SLC35F1: variants seen among roughly 807,000 people sequenced by gnomAD.
SLC35F1 encodes the protein solute carrier family 35 member F1, also known as chromosome 6 open reading frame 169.
Under a neutral mutation model 48.7 loss-of-function variants are expected in SLC35F1, and 14 were observed. The observed-to-expected ratio is 0.29, with a 90% CI of 0.19 to 0.45. The LOEUF (loss-of-function observed/expected upper bound fraction) is 0.45, where lower values mean the gene tolerates loss of function less well. Among genes scored for constraint, SLC35F1 ranks in the 20% least tolerant of loss-of-function variants. The pLI is 1.00. For synonymous variants in SLC35F1, 190 were observed against 202.2 expected (o/e 0.94, Z 0.51); for missense variants, 404 against 500.0 (o/e 0.81, Z 1.83).
chr6:118,207,520 T>C lies in SLC35F1; in HGVS notation c.350-27989T>C, dbSNP rs190288037. On this transcript the variant is annotated intron_variant, in intron 2 of 7. Transcript: ENST00000360388. ...CTCTATACACATGTGAAATAGACTGTTGTACTCAAAGGCAACCTAGAACAA... is the reference window on the plus strand; with the variant it reads ...CTCTATACACATGTGAAATAGACTGCTGTACTCAAAGGCAACCTAGAACAA... Among the ~76,000 whole-genome samples, 189 of 152,304 alleles carry C rather than the reference T, an allele frequency of 1.2e-3. 1 individual carries two copies. Among genetic ancestry groups the C allele is most frequent in the African/African-American group, 4.5e-3 (187 of 41,564 alleles).
chr6:117,956,679 T>G (rs928805673), intron 1 of SLC35F1, among the ~76,000 whole-genome samples: 3 of 152,208 alleles, frequency 2.0e-5, no homozygotes, highest in Non-Finnish European at 4.4e-5. Context: ...GAGGCCATTT[T>G]AAAGTGCCTA....
At chr6:118,011,601 C>A (rs1777247671) in intron 1 of SLC35F1, among the ~76,000 whole-genome samples, 1 of 152,154 alleles carries the variant, frequency 6.6e-6, no homozygotes, top group Admixed American at 6.6e-5. Flanking sequence ...CAAGATTTCT[C>A]ACATGTGCAG....
chr6:118,254,133 GA>G (rs1288291545), intron 3 of SLC35F1, among the ~76,000 whole-genome samples: 1 of 152,132 alleles, frequency 6.6e-6, no homozygotes, highest in Non-Finnish European at 1.5e-5. Flanking sequence ...TCAACTGGAG[GA>G]AAGAAATGTG....
At chr6:118,052,959 C>G (rs1269506729) in intron 1 of SLC35F1, among the ~76,000 whole-genome samples, 2 of 152,026 alleles carry the variant, frequency 1.3e-5, no homozygotes, top group Non-Finnish European at 2.9e-5. Context: ...GTCCTGTTCT[C>G]AAAGCCCCTT....
At chr6:118,263,383 G>A (rs115444040) in intron 3 of SLC35F1, among the ~76,000 whole-genome samples, 4 of 152,192 alleles carry the variant, frequency 2.6e-5, no homozygotes, top group African/African-American at 9.6e-5. Flanking sequence ...AAACAGAATC[G>A]TAGACACCTC....
intron 2 of SLC35F1, among the ~76,000 whole-genome samples, chr6:118,181,730 A>G (rs1774581075): frequency 6.6e-6 from 1 of 152,182 alleles, no homozygotes; most frequent in South Asian, 2.1e-4. Context: ...TACCAAAAAA[A>G]GATTGAAAAT....
At chr6:118,216,474 AAAAG>A (rs1409355826) in intron 2 of SLC35F1, among the ~76,000 whole-genome samples, 17 of 151,150 alleles carry the variant, frequency 1.1e-4, no homozygotes, top group South Asian at 6.4e-4. Flanking sequence ...TCAAAAAAAA[AAAAG>A]AAAAGAAAAG....
At position 118,266,998 on chromosome 6, in the gene SLC35F1, C is replaced by G. The variant is rs1197012220; in HGVS notation, c.481C>G (p.Leu161Val). 3 of 1,613,782 alleles carry G rather than the reference C, an allele frequency of 1.9e-6. No individual in the cohort carries two copies. The highest frequency in any genetic ancestry group is 2.5e-6 in the Non-Finnish European group (3 of 1,179,862). Residue 161 changes from leucine (L) to valine (V), a missense_variant, in exon 4 of 8, where the codon CTG (leucine) becomes GTG (valine). Transcript: ENST00000360388. Reference sequence around the variant, plus strand: ...TTACCTTCATCCCTCCCAATAGCTCCTGGACTGTTTTGTGATCCCAGTCGT... The same window carrying G: ...TTACCTTCATCCCTCCCAATAGCTCGTGGACTGTTTTGTGATCCCAGTCGT... ...QYTTLTSIQL[L>V]DCFVIPVVIL...
intron 1 of SLC35F1, among the ~76,000 whole-genome samples, chr6:118,118,395 G>A (rs1325200024): frequency 6.6e-6 from 1 of 151,980 alleles, no homozygotes; most frequent in Non-Finnish European, 1.5e-5. Context: ...CCAAATTATT[G>A]ACCCTTGTTA....
intron 1 of SLC35F1, among the ~76,000 whole-genome samples, chr6:118,019,268 T>A (rs1777361147): frequency 6.6e-6 from 1 of 152,016 alleles, no homozygotes; most frequent in African/African-American, 2.4e-5. Flanking sequence ...ATATAGTAGA[T>A]AAATACATTT....
At chr6:117,930,734 G>A (rs1776089454) in intron 1 of SLC35F1, among the ~76,000 whole-genome samples, 1 of 152,138 alleles carries the variant, frequency 6.6e-6, no homozygotes, top group Admixed American at 6.5e-5. Flanking sequence ...TGGCGGGCAG[G>A]CAGGGCCCAA....
intron 1 of SLC35F1, among the ~76,000 whole-genome samples, chr6:117,926,758 T>C (rs1776034018): frequency 6.6e-6 from 1 of 152,082 alleles, no homozygotes; most frequent in South Asian, 2.1e-4. Flanking sequence ...GTATTTTGTC[T>C]TAAGAGCACT....
At chr6:118,112,943 A>T (rs1773429908) in intron 1 of SLC35F1, among the ~76,000 whole-genome samples, 1 of 152,190 alleles carries the variant, frequency 6.6e-6, no homozygotes, top group Non-Finnish European at 1.5e-5. Context: ...AGAATGAATT[A>T]AAAAACTAGT....
At chr6:118,089,346 T>G (rs1773038730) in intron 1 of SLC35F1, among the ~76,000 whole-genome samples, 1 of 152,102 alleles carries the variant, frequency 6.6e-6, no homozygotes, top group Admixed American at 6.5e-5. Flanking sequence ...CATGAGAAGG[T>G]TCATCCTTAC....
chr6:117,943,843 T>C (rs1337161406), intron 1 of SLC35F1, among the ~76,000 whole-genome samples: 1 of 152,216 alleles, frequency 6.6e-6, no homozygotes, highest in Non-Finnish European at 1.5e-5. Flanking sequence ...CATCTGGCTT[T>C]AGTTGTTTTT....
intron 3 of SLC35F1, among the ~76,000 whole-genome samples, chr6:118,259,473 G>A (rs1185693797): frequency 6.6e-6 from 1 of 151,412 alleles, no homozygotes; most frequent in African/African-American, 2.4e-5. Context: ...AGAAGAACAG[G>A]AACAAATAAA....
chr6:118,147,434 G>A (rs891327754), intron 1 of SLC35F1, among the ~76,000 whole-genome samples: 1 of 152,164 alleles, frequency 6.6e-6, no homozygotes, highest in Non-Finnish European at 1.5e-5. Flanking sequence ...TCATGGCAGC[G>A]ACCACTGGAG....
intron 4 of SLC35F1, among the ~76,000 whole-genome samples, chr6:118,269,345 C>T (rs1775821051): frequency 6.6e-6 from 1 of 152,162 alleles, no homozygotes; most frequent in Admixed American, 6.5e-5. Context: ...ATATACAAAG[C>T]ATCAGTGTTA....
At chr6:117,912,333 A>G (rs978640872) in intron 1 of SLC35F1, among the ~76,000 whole-genome samples, 8 of 152,258 alleles carry the variant, frequency 5.3e-5, no homozygotes, top group African/African-American at 4.8e-5. Context: ...AAGCCTACAT[A>G]AAATCAATGT....
Sources: gnomAD v4.1 joint callset for allele counts (sites outside exome capture counted in the v4.1 genomes callset) on GRCh38, gnomAD v4.1.1 for gene constraint, MANE v1.5 for transcripts, NCBI Gene and HGNC (gene_info 2026-07-23, HGNC 2026-07-21) for gene names.